The following ZCCHC7 variants were observed in gnomAD, a reference collection of about 807,000 sequenced individuals.
ZCCHC7 encodes the protein zinc finger CCHC domain-containing protein 7.
Under a neutral mutation model 52.0 loss-of-function variants are expected in ZCCHC7, and 35 were observed. That is an observed-to-expected ratio of 0.67 (90% CI 0.51 to 0.89). ZCCHC7 has a LOEUF of 0.89. Among genes scored for constraint, ZCCHC7 ranks in the 40% least tolerant of loss-of-function variants. The pLI is 0.00. For missense variants in ZCCHC7, 574 were observed against 649.1 expected, an observed-to-expected ratio of 0.88 and a Z score of 1.26; for synonymous variants, 217 against 221.5, an observed-to-expected ratio of 0.98 and a Z score of 0.18.
intron 2 of ZCCHC7, among the ~76,000 whole-genome samples, chr9:37,293,355 T>C (rs76174737): frequency 0.051 from 7,752 of 152,166 alleles, 647 homozygotes; most frequent in African/African-American, 0.18. Context: ...GACAAGGAAA[T>C]GTTAAAAGAA....
rs767765164 is a variant in ZCCHC7 at position 37,349,403 on chromosome 9, C to A, written c.1034C>A (p.Ser345Ter). ...AAGCCGAAGACCCCTTCAAGACCATCAGCCTTAGCATATTGCTATCACTGC... is the reference window on the plus strand; with the variant it reads ...AAGCCGAAGACCCCTTCAAGACCATAAGCCTTAGCATATTGCTATCACTGC... ...PKKPKTPSRP[S>*]ALAYCYHCAQ... Residue 345 changes from serine (S) to a stop codon, truncating the protein, a stop_gained, in exon 7 of 9, where the codon TCA (serine) becomes TAA (stop). Coordinates refer to ENST00000336755, the MANE Select transcript of ZCCHC7 (RefSeq NM_032226.3). LOFTEE classifies it high-confidence loss of function. The A allele has an allele frequency of 4.3e-6, 7 of 1,614,154 alleles. No individual in the cohort carries two copies. Among genetic ancestry groups the A allele is most frequent in the Non-Finnish European group, 5.9e-6 (7 of 1,179,992 alleles).
chr9:37,183,528 GC>G (rs1206440990), intron 2 of ZCCHC7, among the ~76,000 whole-genome samples: 1 of 152,138 alleles, frequency 6.6e-6, no homozygotes, highest in Non-Finnish European at 1.5e-5. Flanking sequence ...TGTTTTCACA[GC>G]CCTTTCTTTG....
intron 2 of ZCCHC7, among the ~76,000 whole-genome samples, chr9:37,298,715 A>G (rs1828899175): frequency 6.6e-6 from 1 of 152,158 alleles, no homozygotes; most frequent in African/African-American, 2.4e-5. Flanking sequence ...AGGTGTATAC[A>G]TTTGCCAAAT....
At chr9:37,274,202 A>G (rs1415465249) in intron 2 of ZCCHC7, among the ~76,000 whole-genome samples, 1 of 151,770 alleles carries the variant, frequency 6.6e-6, no homozygotes, top group Non-Finnish European at 1.5e-5. Flanking sequence ...CTTCATGTAT[A>G]TGTATGTGTA....
chr9:37,355,012 A>G (rs995592218), intron 8 of ZCCHC7, among the ~76,000 whole-genome samples, 188 bp downstream of exon 8: 3 of 152,210 alleles, frequency 2.0e-5, no homozygotes, highest in Admixed American at 1.3e-4. Flanking sequence ...CCCATGTTGC[A>G]ATCTCCTCAC....
chr9:37,235,483 CT>C (rs1228746607), intron 2 of ZCCHC7, among the ~76,000 whole-genome samples: 1 of 146,788 alleles, frequency 6.8e-6, no homozygotes, highest in Non-Finnish European at 1.5e-5. Flanking sequence ...TCCTTCCTTT[CT>C]TTCCTTCCTT....
intron 6 of ZCCHC7, among the ~76,000 whole-genome samples, chr9:37,336,802 G>A (rs1028980750): frequency 1.3e-5 from 2 of 152,026 alleles, no homozygotes; most frequent in African/African-American, 4.8e-5. Flanking sequence ...GTTCTTTTCT[G>A]TCCCTTCCCC....
rs548340009 is a variant in ZCCHC7, at chr9:37,146,894, T to C, written c.610+19952T>C. Among the ~76,000 whole-genome samples the C allele has an allele frequency of 1.2e-3, 179 of 152,018 alleles. 1 individual carries two copies. The South Asian group carries it at 0.018, about 15-fold the overall frequency. The stretch of plus-strand genomic sequence containing the variant: ...ATAATTTAAAATTTGTGGGTACTTA[T>C]ATTGATTGACCTTATATTTTAAAAA... On this transcript the variant is annotated intron_variant, in intron 2 of 8. Transcript: ENST00000336755.
At chr9:37,168,332 C>G (rs755261270) in intron 2 of ZCCHC7, among the ~76,000 whole-genome samples, 1 of 152,008 alleles carries the variant, frequency 6.6e-6, no homozygotes, top group Non-Finnish European at 1.5e-5. Context: ...GTTAATTTAT[C>G]TGAGTTGGAA....
chr9:37,281,598 G>T (rs941148263), intron 2 of ZCCHC7, among the ~76,000 whole-genome samples: 8 of 152,076 alleles, frequency 5.3e-5, no homozygotes, highest in Non-Finnish European at 1.0e-4. Context: ...TATCACATGT[G>T]ATTGTACTAT....
intron 2 of ZCCHC7, among the ~76,000 whole-genome samples, chr9:37,229,369 G>T (rs1286666070): frequency 2.0e-5 from 3 of 152,160 alleles, no homozygotes; most frequent in Non-Finnish European, 2.9e-5. Context: ...CAAGAAATGT[G>T]TAGTTAGGTG....
At chr9:37,275,999 C>T (rs1032001309) in intron 2 of ZCCHC7, among the ~76,000 whole-genome samples, 1 of 152,170 alleles carries the variant, frequency 6.6e-6, no homozygotes, top group Non-Finnish European at 1.5e-5. Flanking sequence ...TTATAACCAA[C>T]AATGTATGAG....
chr9:37,181,099 ATTACT>A (rs1167618697), intron 2 of ZCCHC7, among the ~76,000 whole-genome samples: 1 of 152,158 alleles, frequency 6.6e-6, no homozygotes, highest in Non-Finnish European at 1.5e-5. Flanking sequence ...ATTTTAACAA[ATTACT>A]TTGTGTAGTT....
chr9:37,136,107 C>T (rs913302819), intron 2 of ZCCHC7, among the ~76,000 whole-genome samples: 1 of 152,092 alleles, frequency 6.6e-6, no homozygotes, highest in African/African-American at 2.4e-5. Context: ...ATCTACTTAT[C>T]TCTCAGTTCT....
In ZCCHC7 at chr9:37,256,840, T is replaced by C. The variant is rs138197849; in HGVS notation, c.611-45348T>C. ...GCCTAGTGTAAAAGAACAGTTTCCATAGGTATGGTAAAAAGCAATTGAATT... is the reference window on the plus strand; with the variant it reads ...GCCTAGTGTAAAAGAACAGTTTCCACAGGTATGGTAAAAAGCAATTGAATT... On this transcript the variant is annotated intron_variant, in intron 2 of 8. Transcript: ENST00000336755. Among the ~76,000 whole-genome samples, 113 of 152,300 alleles carry C rather than the reference T, an allele frequency of 7.4e-4. 1 individual carries two copies. Among genetic ancestry groups the C allele is most frequent in the Non-Finnish European group, 8.5e-4 (58 of 68,006 alleles).
chr9:37,347,125 G>A (rs1028559057), intron 6 of ZCCHC7, among the ~76,000 whole-genome samples: 9 of 152,208 alleles, frequency 5.9e-5, no homozygotes, highest in Admixed American at 3.9e-4. Flanking sequence ...GTGGGGGTGT[G>A]CAGGGGTTAG....
chr9:37,323,968 A>G (rs1456092117), intron 5 of ZCCHC7, among the ~76,000 whole-genome samples: 1 of 152,184 alleles, frequency 6.6e-6, no homozygotes, highest in Middle Eastern at 3.2e-3. Flanking sequence ...AGGCACCTAA[A>G]CTTATATTTG....
chr9:37,173,454 T>G (rs926774234), intron 2 of ZCCHC7, among the ~76,000 whole-genome samples: 7 of 152,210 alleles, frequency 4.6e-5, no homozygotes, highest in African/African-American at 1.7e-4. Flanking sequence ...AAGGAAAACA[T>G]TCTTTTCCAA....
chr9:37,164,184 G>A (rs538631519), intron 2 of ZCCHC7, among the ~76,000 whole-genome samples: 1 of 152,038 alleles, frequency 6.6e-6, no homozygotes, highest in South Asian at 2.1e-4. Context: ...GCTCACGCCT[G>A]TAATCCCAAC....
Sources: allele counts gnomAD v4.1 joint callset (sites outside exome capture counted in the v4.1 genomes callset), GRCh38; gene constraint gnomAD v4.1.1; transcripts MANE v1.5; gene names NCBI Gene and HGNC (gene_info 2026-07-23, HGNC 2026-07-21).